Variants in ZFYVE9 observed in about 807,000 individuals in gnomAD.
ZFYVE9 encodes zinc finger FYVE domain-containing protein 9.
In ZFYVE9, 43 loss-of-function variants were observed where a neutral mutation model predicts 126.7. The observed-to-expected ratio is 0.34, with a 90% CI of 0.27 to 0.44. The LOEUF is 0.44. ZFYVE9 is among the 20% of genes least tolerant of loss of function. The pLI is 1.00. For synonymous variants in ZFYVE9, 521 were observed against 597.4 expected (o/e 0.87, Z 1.87); for missense variants, 1,476 against 1,697.0 (o/e 0.87, Z 2.29).
intron 4 of ZFYVE9, among the ~76,000 whole-genome samples, chr1:52,247,338 A>T (rs1645396254): frequency 6.6e-6 from 1 of 152,170 alleles, no homozygotes; most frequent in African/African-American, 2.4e-5. Flanking sequence ...CCCTTTCAAT[A>T]TCTAGTCTGC....
In ZFYVE9 at chr1:52,237,792, A is replaced by G. The variant is rs778573791; in HGVS notation, c.375A>G (p.Gln125=). The G allele has an allele frequency of 1.6e-5, 26 of 1,614,134 alleles. No homozygotes were observed. Among genetic ancestry groups the G allele is most frequent in the Admixed American group, 1.2e-4 (7 of 60,000 alleles). ...LIKRNYSWDD[Q]CSAVEVGEKK... ...AGAGAAACTATAGTTGGGATGATCA[A>G]TGCAGTGCTGTTGAAGTGGGAGAGA... The change falls in exon 4 of 19, where the codon CAA becomes CAG. Residue 125 remains glutamine, a synonymous_variant. Coordinates refer to ENST00000287727, the MANE Select transcript of ZFYVE9 (RefSeq NM_004799.4).
Position 52,253,873 on chromosome 1 carries a change from T to C in ZFYVE9, c.2179-9900T>C, listed in dbSNP as rs947827831. Reference sequence around the variant, plus strand: ...ATTATATATTTATGCAGACTACAAATCTGATGAAAGCTATACTCCAAGCAA... The same window carrying C: ...ATTATATATTTATGCAGACTACAAACCTGATGAAAGCTATACTCCAAGCAA... On this transcript the variant is annotated intron_variant, in intron 4 of 18. Coordinates refer to ENST00000287727, the MANE Select transcript of ZFYVE9 (RefSeq NM_004799.4). 12 of 1,224,470 alleles carry C rather than the reference T, an allele frequency of 9.8e-6. No homozygotes were observed. In the East Asian group the frequency reaches 2.8e-4, roughly 28 times the overall value. 75.9% of individuals were successfully genotyped at this position (1,224,470 alleles called of 1,614,324 possible). A position where few individuals can be genotyped will look rare whatever the true frequency, so the allele number is the denominator to read the frequency against.
At chr1:52,274,656 A>G (rs1645728041) in intron 8 of ZFYVE9, 72 bp downstream of exon 8, 1 of 1,442,302 alleles carries the variant, frequency 6.9e-7, no homozygotes, top group East Asian at 2.4e-5. Flanking sequence ...AGGTAGAGAG[A>G]CAGAATTTGA....
Position 52,281,413 on chromosome 1 carries a change from G to A in ZFYVE9, c.2870-248G>A, listed in dbSNP as rs910432422. 1.1e-4 allele frequency among the ~76,000 whole-genome samples: 16 copies of A among 152,224 alleles called. No individual in the cohort carries two copies. The South Asian group carries it at 3.1e-3, about 30-fold the overall frequency. ...CTCCCAAAGTGCTGGGATTACAGGC[G>A]TGAGCCACCTCGGCCGTCCTCAATC... On this transcript the variant is annotated intron_variant, in intron 9 of 18. Coordinates refer to ENST00000287727, the MANE Select transcript of ZFYVE9 (RefSeq NM_004799.4).
In ZFYVE9 at chr1:52,274,707, C is replaced by T. The variant is rs1009895634; in HGVS notation, c.2746+123C>T. 1.3e-5 allele frequency: 14 copies of T among 1,053,764 alleles called. No individual in the cohort carries two copies. In the South Asian group the frequency reaches 2.9e-4, roughly 22 times the overall value. The allele number at this position is 1,053,764 out of a possible 1,614,324, so 65.3% of individuals were successfully genotyped here. On this transcript the variant is annotated intron_variant, in intron 8 of 18. Transcript: ENST00000287727. ...CTCTTATCCAACAAAACAAACTCCC[C>T]CAAAACTATGAAAATGGTTGTTGCT...
At chr1:52,236,652 G>A (rs1645275697) in intron 3 of ZFYVE9, among the ~76,000 whole-genome samples, 1 of 152,104 alleles carries the variant, frequency 6.6e-6, no homozygotes, top group Admixed American at 6.6e-5. Flanking sequence ...ATGCTTATTG[G>A]TAGACTATAA....
At chr1:52,230,459 A>G (rs1053582706) in intron 2 of ZFYVE9, among the ~76,000 whole-genome samples, 3 of 151,764 alleles carry the variant, frequency 2.0e-5, no homozygotes, top group African/African-American at 4.8e-5. Flanking sequence ...CAGTAGGTGC[A>G]GCAGACCACC....
At chr1:52,215,290 G>A (rs1452059929) in intron 1 of ZFYVE9, among the ~76,000 whole-genome samples, 1 of 152,056 alleles carries the variant, frequency 6.6e-6, no homozygotes, top group Non-Finnish European at 1.5e-5. Flanking sequence ...GTTTCTTAGT[G>A]TCAGTAGCTC....
At chr1:52,265,866 G>T (rs1443361703) in intron 5 of ZFYVE9, among the ~76,000 whole-genome samples, 1 of 152,270 alleles carries the variant, frequency 6.6e-6, no homozygotes, top group East Asian at 1.9e-4. Context: ...AAATTTTACA[G>T]TAGAGTTATT....
At chr1:52,281,135 CTT>C (rs539866378) in intron 9 of ZFYVE9, among the ~76,000 whole-genome samples, 9 of 137,212 alleles carry the variant, frequency 6.6e-5, no homozygotes, top group Non-Finnish European at 1.1e-4. Context: ...CTTTTCTTTT[CTT>C]TTTTTTTTTT....
At position 52,274,463 on chromosome 1, in the gene ZFYVE9, G is replaced by A. The variant is rs761848851; in HGVS notation, c.2626-1G>A. 1 of 1,605,042 alleles carries A rather than the reference G, an allele frequency of 6.2e-7. No homozygotes were observed. Among genetic ancestry groups the A allele is most frequent in the Non-Finnish European group, 8.5e-7 (1 of 1,173,904 alleles). On this transcript the variant is annotated splice_acceptor_variant, in intron 7 of 18. Coordinates refer to ENST00000287727, the MANE Select transcript of ZFYVE9 (RefSeq NM_004799.4). LOFTEE classifies it high-confidence loss of function. ...TCACTTTGTTGATTTGCTTTTCCTA[G>A]ACGGATATTTGTCTATTCTCTGGGA...
intron 17 of ZFYVE9, among the ~76,000 whole-genome samples, chr1:52,343,152 G>A (rs984405757): frequency 6.6e-6 from 1 of 151,596 alleles, no homozygotes; most frequent in Non-Finnish European, 1.5e-5. Context: ...TTGATCTCCT[G>A]ACCTTGTGAT....
chr1:52,275,725 A>G (rs558555351), intron 8 of ZFYVE9, among the ~76,000 whole-genome samples: 2 of 152,042 alleles, frequency 1.3e-5, no homozygotes, highest in South Asian at 4.2e-4. Flanking sequence ...CCTCTCCTGA[A>G]CTTTGTCCTA....
chr1:52,242,584 G>A (rs1645345539), intron 4 of ZFYVE9, among the ~76,000 whole-genome samples: 3 of 151,692 alleles, frequency 2.0e-5, no homozygotes, highest in East Asian at 1.9e-4. Flanking sequence ...TTTAGATGAT[G>A]GTATCAAATT....
chr1:52,196,109 G>T (rs181673342), intron 1 of ZFYVE9, among the ~76,000 whole-genome samples: 88 of 152,020 alleles, frequency 5.8e-4, no homozygotes, highest in African/African-American at 2.1e-3. Context: ...TCTTATATTT[G>T]TCCACAATCT....
chr1:52,308,633 T>C lies in ZFYVE9; in HGVS notation c.3438+4708T>C, dbSNP rs188372605. Among the ~76,000 whole-genome samples, 37 of 152,360 alleles carry C rather than the reference T, an allele frequency of 2.4e-4. No individual in the cohort carries two copies. The East Asian group carries it at 6.9e-3, about 29-fold the overall frequency. The stretch of plus-strand genomic sequence containing the variant: ...GCAGAGCTGGTTCCTTATTGATTCA[T>C]ACTTCCCCTACTCTTCACCTGCCTA... On this transcript the variant is annotated intron_variant, in intron 13 of 18. Coordinates refer to ENST00000287727, the MANE Select transcript of ZFYVE9 (RefSeq NM_004799.4).
chr1:52,296,031 G>A, intron 12 of ZFYVE9, 54 bp downstream of exon 12: 1 of 1,491,818 alleles, frequency 6.7e-7, no homozygotes, highest in South Asian at 1.2e-5. Flanking sequence ...ATGGGAGAAG[G>A]AAGAAAGCAA....
chr1:52,307,960 G>C (rs915564823), intron 13 of ZFYVE9, among the ~76,000 whole-genome samples: 2 of 151,764 alleles, frequency 1.3e-5, no homozygotes, highest in Non-Finnish European at 2.9e-5. Context: ...CACCGTGTTA[G>C]CCAGGATGGT....
chr1:52,257,123 T>C (rs776000233), intron 4 of ZFYVE9, among the ~76,000 whole-genome samples: 5 of 152,222 alleles, frequency 3.3e-5, no homozygotes, highest in Non-Finnish European at 5.9e-5. Context: ...TAAAGCATGT[T>C]CACAGATTTA....
Sources: gnomAD v4.1 joint callset for allele counts (sites outside exome capture counted in the v4.1 genomes callset) on GRCh38, gnomAD v4.1.1 for gene constraint, MANE v1.5 for transcripts, NCBI Gene and HGNC (gene_info 2026-07-23, HGNC 2026-07-21) for gene names.